DCDC1: variants seen among roughly 807,000 people sequenced by gnomAD.
DCDC1 encodes doublecortin domain containing 1, also known as doublecortin domain-containing protein 1.
DCDC1 carries 200 observed loss-of-function variants against 178.3 expected under a neutral mutation model. The observed-to-expected ratio is 1.12, with a 90% CI of 1.00 to 1.26. The LOEUF (loss-of-function observed/expected upper bound fraction) is 1.26, where lower values mean the gene tolerates loss of function less well. Among genes scored for constraint, DCDC1 ranks in the 50% most tolerant of loss-of-function variants. The pLI is 0.00. For synonymous variants in DCDC1, 690 were observed against 604.8 expected, an observed-to-expected ratio of 1.14 and a Z score of -2.07; for missense variants, 1,983 against 1,749.2, an observed-to-expected ratio of 1.13 and a Z score of -2.38.
At chr11:31,274,699 C>CT (rs72501499) in intron 7 of DCDC1, among the ~76,000 whole-genome samples, 134 of 132,058 alleles carry the variant, frequency 1.0e-3, no homozygotes, top group East Asian at 2.1e-3. Flanking sequence ...TCACAAATGT[C>CT]TTTTTTTTTT....
intron 9 of DCDC1, among the ~76,000 whole-genome samples, chr11:31,168,289 G>A (rs1966857285): frequency 6.6e-6 from 1 of 152,114 alleles, no homozygotes; most frequent in South Asian, 2.1e-4. Context: ...AAGCACAATA[G>A]CCTAGCTGAC....
intron 3 of DCDC1, among the ~76,000 whole-genome samples, chr11:31,312,183 G>A (rs1948811658): frequency 6.6e-6 from 1 of 152,034 alleles, no homozygotes; most frequent in Non-Finnish European, 1.5e-5. Flanking sequence ...GGCTAGGCAA[G>A]GTATAAATCA....
chr11:30,918,855 A>T (rs1946044925), intron 25 of DCDC1, among the ~76,000 whole-genome samples: 2 of 152,142 alleles, frequency 1.3e-5, no homozygotes, highest in Non-Finnish European at 2.9e-5. Context: ...TTTCCTGCAA[A>T]GCACAGAGTA....
At chr11:31,282,108 C>A (rs752110553) in intron 7 of DCDC1, among the ~76,000 whole-genome samples, 1 of 151,970 alleles carries the variant, frequency 6.6e-6, no homozygotes, top group East Asian at 1.9e-4. Flanking sequence ...GGGAAGTTTT[C>A]CTGTTTTCTC....
chr11:30,977,206 C>T (rs896706037), intron 20 of DCDC1, among the ~76,000 whole-genome samples: 1 of 152,064 alleles, frequency 6.6e-6, no homozygotes, highest in Non-Finnish European at 1.5e-5. Context: ...GGGGGATGAA[C>T]AGAGCTTTCT....
At chr11:30,893,058 G>A (rs569432827) in intron 35 of DCDC1, 61 bp from the exon 36 acceptor site, 2 of 1,556,244 alleles carry the variant, frequency 1.3e-6, no homozygotes, top group Middle Eastern at 3.5e-4. Flanking sequence ...TGTTTGTGAA[G>A]AATGTGATAA....
chr11:31,255,483 G>A (rs537352973), intron 8 of DCDC1, among the ~76,000 whole-genome samples: 59 of 152,084 alleles, frequency 3.9e-4, no homozygotes, highest in African/African-American at 1.4e-3. Context: ...CTGTGTGTGT[G>A]TGTGAGTATG....
intron 31 of DCDC1, chr11:30,904,705 CTCTT>C (rs1944936532): frequency 2.2e-6 from 1 of 462,800 alleles, no homozygotes; most frequent in African/African-American, 1.9e-5. Flanking sequence ...CTTTGTTTTC[CTCTT>C]TCTTATAGAT....
At chr11:31,039,604 G>A (rs1004987476) in intron 20 of DCDC1, among the ~76,000 whole-genome samples, 12 of 152,038 alleles carry the variant, frequency 7.9e-5, no homozygotes, top group African/African-American at 2.7e-4. Context: ...AGAGACAAAG[G>A]GAAAGGAGTC....
Position 31,147,117 on chromosome 11 carries a change from A to G in DCDC1, c.1222-9333T>C, listed in dbSNP as rs995726358. 3.3e-5 allele frequency among the ~76,000 whole-genome samples: 5 copies of G among 152,172 alleles called. No homozygotes were observed. The East Asian group carries it at 7.7e-4, about 23-fold the overall frequency. On this transcript the variant is annotated intron_variant, in intron 9 of 38. Transcript: ENST00000684477. ...CAGAAGGAGCATTTAGGACTCACTC[A>G]TCTGGCTGTTTGAGTTTTATTCTCC... is the stretch of plus-strand genomic sequence containing the variant.
At chr11:31,020,616 T>C (rs994938755) in intron 20 of DCDC1, among the ~76,000 whole-genome samples, 1 of 152,144 alleles carries the variant, frequency 6.6e-6, no homozygotes, top group African/African-American at 2.4e-5. Context: ...ATTTTATAAA[T>C]AGATAGAGAT....
intron 9 of DCDC1, among the ~76,000 whole-genome samples, chr11:31,162,311 T>C (rs1023092197): frequency 6.6e-6 from 1 of 152,106 alleles, no homozygotes; most frequent in Admixed American, 6.6e-5. Context: ...GAATAAGTTG[T>C]AGTGATTTGC....
chr11:30,940,678 A>C (rs1032109161), intron 21 of DCDC1, among the ~76,000 whole-genome samples: 1 of 152,146 alleles, frequency 6.6e-6, no homozygotes, highest in African/African-American at 2.4e-5. Flanking sequence ...CGATTTTATT[A>C]ATATTTTCAA....
chr11:31,305,860 TCAAAATA>T, intron 5 of DCDC1, 83 bp from the exon 6 acceptor site: 9 of 1,471,764 alleles, frequency 6.1e-6, no homozygotes, highest in Non-Finnish European at 8.2e-6. Flanking sequence ...GTTCTAATGA[TCAAAATA>T]GAAACCCAAT....
intron 22 of DCDC1, 100 bp downstream of exon 22, chr11:30,931,671 A>G (rs1405216442): frequency 1.6e-6 from 2 of 1,269,506 alleles, no homozygotes. Flanking sequence ...CTTTTGCTAA[A>G]TAAATACAGA....
intron 9 of DCDC1, among the ~76,000 whole-genome samples, chr11:31,199,064 C>A (rs965277050): frequency 3.3e-5 from 5 of 151,862 alleles, no homozygotes; most frequent in South Asian, 2.1e-4. Flanking sequence ...GAGACTCAAG[C>A]AAAATATGAT....
chr11:31,250,415 C>CATATATATATATAT (rs753411919), intron 8 of DCDC1, among the ~76,000 whole-genome samples: 1 of 73,732 alleles, frequency 1.4e-5, no homozygotes, highest in African/African-American at 5.2e-5. Flanking sequence ...CACACACACA[C>CATATATATATATAT]ATATACATAT....
chr11:30,893,989 C>A (rs771035254), intron 35 of DCDC1, among the ~76,000 whole-genome samples: 6 of 152,138 alleles, frequency 3.9e-5, no homozygotes, highest in Non-Finnish European at 7.3e-5. Context: ...TGTACATATC[C>A]GCTGGGCCTT....
chr11:31,003,725 C>A (rs1951694449), intron 20 of DCDC1, among the ~76,000 whole-genome samples: 1 of 152,076 alleles, frequency 6.6e-6, no homozygotes, highest in Non-Finnish European at 1.5e-5. Context: ...TCTGGAAAGA[C>A]AAATAGGATG....
Sources: gnomAD v4.1 joint callset for allele counts (sites outside exome capture counted in the v4.1 genomes callset) on GRCh38, gnomAD v4.1.1 for gene constraint, MANE v1.5 for transcripts, NCBI Gene and HGNC (gene_info 2026-07-23, HGNC 2026-07-21) for gene names.